Variants in ZNF500 observed in about 807,000 individuals in gnomAD.
ZNF500 encodes zinc finger protein with KRAB and SCAN domains 18.
A neutral mutation model predicts 30.1 loss-of-function variants in ZNF500; 31 were observed. The observed-to-expected ratio is 1.03, with a 90% confidence interval of 0.77 to 1.39. The LOEUF (loss-of-function observed/expected upper bound fraction) is 1.39. Ranked by LOEUF, ZNF500 falls within the 40% of genes most tolerant of loss-of-function variation. The pLI is 0.00. For missense variants in ZNF500, 817 were observed against 657.8 expected (o/e 1.24, Z -2.65); for synonymous variants, 392 against 282.0 (o/e 1.39, Z -3.91).
intron 5 of ZNF500, among the ~76,000 whole-genome samples, chr16:4,757,252 G>C (rs561393114): frequency 1.1e-4 from 16 of 152,158 alleles, no homozygotes; most frequent in African/African-American, 3.6e-4. Flanking sequence ...AAGGGGACCC[G>C]AACGGGTTGC....
At chr16:4,763,671 A>G in intron 2 of ZNF500, 3 of 985,410 alleles carry the variant, frequency 3.0e-6, no homozygotes, top group Non-Finnish European at 3.6e-6. Context: ...AGTGATGGCC[A>G]TGAGGCATGT....
Position 4,761,813 on chromosome 16 carries a change from C to T in ZNF500, c.663+458G>A, listed in dbSNP as rs190443308. On this transcript the variant is annotated intron_variant, in intron 4 of 5. Transcript: ENST00000219478. ...TCAAGGCTGCAGTGAGCTGTAATCACACTACTGCACTCCAGCGTGAGCACA... is the reference window on the plus strand; with the variant it reads ...TCAAGGCTGCAGTGAGCTGTAATCATACTACTGCACTCCAGCGTGAGCACA... Among the ~76,000 whole-genome samples, 6 of 152,114 alleles carry T rather than the reference C, an allele frequency of 3.9e-5. No individual in the cohort carries two copies. In the East Asian group the frequency reaches 9.7e-4, roughly 25 times the overall value.
chr16:4,747,753 C>CA, downstream of ZNF500: 1 of 1,265,482 alleles, frequency 7.9e-7, no homozygotes. Flanking sequence ...CAGGGACCCT[C>CA]AGACTTTGGA....
chr16:4,747,854 C>T (rs2082037861), downstream of ZNF500, among the ~76,000 whole-genome samples: 1 of 152,168 alleles, frequency 6.6e-6, no homozygotes, highest in South Asian at 2.1e-4. Flanking sequence ...GTGACAACAG[C>T]TTTGGGATAA....
intron 2 of ZNF500, among the ~76,000 whole-genome samples, chr16:4,764,524 G>A (rs943224693): frequency 1.3e-5 from 2 of 151,934 alleles, no homozygotes; most frequent in African/African-American, 4.8e-5. Flanking sequence ...GCTCACGCCT[G>A]TAATCCCAGC....
chr16:4,746,846 G>C, downstream of ZNF500: 1 of 1,310,632 alleles, frequency 7.6e-7, no homozygotes, highest in Non-Finnish European at 1.0e-6. Flanking sequence ...CACCAGCAAA[G>C]CCCGAGTGCT....
intron 5 of ZNF500, chr16:4,756,392 G>T (rs1261409059): frequency 6.6e-6 from 1 of 152,044 alleles, no homozygotes; most frequent in Non-Finnish European, 1.5e-5. Flanking sequence ...GCTAAGGCAC[G>T]AGAATTGCTT....
chr16:4,752,546 T>C lies in ZNF500; in HGVS notation c.1273A>G (p.Ser425Gly). The change falls in exon 6 of 6, where the codon AGC becomes GGC. Residue 425 changes from serine (S) to glycine (G), a missense_variant. Transcript: ENST00000219478. Reference protein sequence around the residue: ...GKRFNNSSHFSAHRRTHTGEK... With the variant: ...GKRFNNSSHFGAHRRTHTGEK... Reference sequence around the variant, plus strand: ...CCTGTGTGCGTCCGGCGGTGGGCGCTGAAGTGCGAGCTGTTGTTGAAGCGC... The same window carrying C: ...CCTGTGTGCGTCCGGCGGTGGGCGCCGAAGTGCGAGCTGTTGTTGAAGCGC... 1 of 1,569,490 alleles carries C rather than the reference T, an allele frequency of 6.4e-7. No homozygotes were observed. The highest frequency in any genetic ancestry group is 1.1e-5 in the South Asian group (1 of 87,008).
In ZNF500 at chr16:4,752,780, G is replaced by A; in HGVS notation, c.1039C>T (p.His347Tyr). Reference protein sequence around the residue: ...TSHLTKHQRTHTGERPYKCLV... With the variant: ...TSHLTKHQRTYTGERPYKCLV... ...CACTTGTAAGGCCGCTCGCCCGTGT[G>A]TGTGCGCTGGTGCTTGGTCAAGTGG... The change falls in exon 6 of 6, where the codon CAC becomes TAC. Residue 347 changes from histidine (H) to tyrosine (Y), a missense_variant. Transcript: ENST00000219478. 1 of 1,614,270 alleles carries A rather than the reference G, an allele frequency of 6.2e-7. No homozygotes were observed. The highest frequency in any genetic ancestry group is 1.6e-4 in the Middle Eastern group (1 of 6,062).
chr16:4,746,125 T>G, downstream of ZNF500: 1 of 420,974 alleles, frequency 2.4e-6, no homozygotes. Flanking sequence ...TAGCCACTTG[T>G]GCCAAGTGGC....
At chr16:4,763,162 C>T (rs2082226330) in intron 2 of ZNF500, 3 of 978,078 alleles carry the variant, frequency 3.1e-6, no homozygotes, top group South Asian at 9.5e-5. Flanking sequence ...CTTTGGGAGG[C>T]CGAGGTGGGT....
chr16:4,752,954 G>T lies in ZNF500; in HGVS notation c.865C>A (p.Pro289Thr), dbSNP rs761843270. ...GGGGCTGGCCTCTGACCTGGGAGCG[G>T]GTGGCCAGGCCCCTGGCATCGTGCC... is the stretch of plus-strand genomic sequence containing the variant. ...LSARCQGPGHPLPGQRPAPVR... is the reference protein window; with the variant it reads ...LSARCQGPGHTLPGQRPAPVR... Residue 289 changes from proline to threonine, a missense_variant, in exon 6 of 6, where the codon CCG becomes ACG. Pro to Thr is a conservative substitution (Grantham distance 38). Coordinates refer to ENST00000219478, the MANE Select transcript of ZNF500 (RefSeq NM_021646.4). 12 of 1,610,460 alleles carry T rather than the reference G, an allele frequency of 7.5e-6. No individual in the cohort carries two copies. The African/African-American group carries it at 1.5e-4, about 20-fold the overall frequency.
Position 4,766,134 on chromosome 16 carries a change from G to A in ZNF500, c.-98-58C>T, listed in dbSNP as rs917424476. 5.8e-6 allele frequency: 5 copies of A among 869,350 alleles called. No homozygotes were observed. In the African/African-American group the frequency reaches 6.8e-5, roughly 12 times the overall value. 53.9% of individuals were successfully genotyped at this position (869,350 alleles called of 1,614,324 possible). ...AGCCCTGGGGCTGGATAAGCCCTTT[G>A]GCCTGGGAAGCCCCTGCCCTGGTTC... On this transcript the variant is annotated intron_variant, in intron 1 of 5. Coordinates refer to ENST00000219478, the MANE Select transcript of ZNF500 (RefSeq NM_021646.4).
At chr16:4,766,602 C>T (rs887623531) in intron 1 of ZNF500, among the ~76,000 whole-genome samples, 1 of 152,162 alleles carries the variant, frequency 6.6e-6, no homozygotes, top group Non-Finnish European at 1.5e-5. Flanking sequence ...GCCTGGGCGA[C>T]AGAGAGAGAC....
At position 4,750,024 on chromosome 16, in the gene ZNF500, C is replaced by G. The variant is rs995629942; in HGVS notation, c.*2352G>C. The G allele has an allele frequency of 6.5e-6, 1 of 152,764 alleles. No individual in the cohort carries two copies. Among genetic ancestry groups the G allele is most frequent in the Non-Finnish European group, 1.5e-5 (1 of 68,538 alleles). 9.5% of individuals were successfully genotyped at this position (152,764 alleles called of 1,614,324 possible). A position where few individuals can be genotyped will look rare whatever the true frequency, so the allele number is the denominator to read the frequency against. On this transcript the variant is annotated 3_prime_UTR_variant, in exon 6 of 6. Coordinates refer to ENST00000219478, the MANE Select transcript of ZNF500 (RefSeq NM_021646.4). ...AGCAGCCAGTGGGAGGCCACAGCCT[C>G]GGCAGGGGGAGGGAAGTGGGCAGAC...
chr16:4,762,485 C>T, intron 3 of ZNF500, 88 bp downstream of exon 3: 1 of 1,522,966 alleles, frequency 6.6e-7, no homozygotes, highest in Non-Finnish European at 8.8e-7. Flanking sequence ...TCCAGGCAGG[C>T]CTCTGCCCTG....
intron 5 of ZNF500, among the ~76,000 whole-genome samples, chr16:4,755,553 G>T (rs1210895697): frequency 6.6e-6 from 1 of 152,156 alleles, no homozygotes; most frequent in Non-Finnish European, 1.5e-5. Flanking sequence ...CTGACCTCAG[G>T]TGACCCAACC....
chr16:4,762,930 A>G (rs2082223192), intron 2 of ZNF500, 174 bp from the exon 3 acceptor site: 1 of 985,330 alleles, frequency 1.0e-6, no homozygotes, highest in Non-Finnish European at 1.2e-6. Context: ...GCCAGCTCCC[A>G]GCCTGCTCTA....
chr16:4,752,276 A>T lies in ZNF500; in HGVS notation c.*100T>A. 1 of 1,429,802 alleles carries T rather than the reference A, an allele frequency of 7.0e-7. No homozygotes were observed. Among genetic ancestry groups the T allele is most frequent in the East Asian group, 2.5e-5 (1 of 39,888 alleles). 88.6% of individuals were successfully genotyped at this position (1,429,802 alleles called of 1,614,324 possible). ...GCCTCATACTGGGCCATGGGAGGAA[A>T]CGGGCAGCTGGCAATGCTTTCGGAC... On this transcript the variant is annotated 3_prime_UTR_variant, in exon 6 of 6. Coordinates refer to ENST00000219478, the MANE Select transcript of ZNF500 (RefSeq NM_021646.4).
Sources: gnomAD v4.1 joint callset for allele counts (sites outside exome capture counted in the v4.1 genomes callset) on GRCh38, gnomAD v4.1.1 for gene constraint, MANE v1.5 for transcripts, NCBI Gene and HGNC (gene_info 2026-07-23, HGNC 2026-07-21) for gene names.